The following ANXA6 variants were observed in gnomAD, a reference collection of about 807,000 sequenced individuals.
The protein encoded by ANXA6 is 67 kDa calelectrin.
ANXA6 carries 71 observed loss-of-function variants against 95.4 expected under a neutral mutation model. That is an observed-to-expected ratio of 0.74 (90% CI 0.61 to 0.91). ANXA6 has a LOEUF of 0.91. Among genes scored for constraint, ANXA6 ranks in the 40% least tolerant of loss-of-function variants. The pLI, the probability that ANXA6 is intolerant of heterozygous loss-of-function variation, is 0.00. For missense variants in ANXA6, 830 were observed against 876.4 expected (o/e 0.95, Z 0.67); for synonymous variants, 289 against 315.9 (o/e 0.91, Z 0.90).
At chr5:151,105,680 T>C (rs868641) in intron 23 of ANXA6, among the ~76,000 whole-genome samples, 114,483 of 152,104 alleles carry the variant, frequency 0.75, 43,309 homozygotes, top group African/African-American at 0.81. Context: ...ACCCTAAAGA[T>C]TCAGATTTTG....
In ANXA6 at chr5:151,133,130, T is replaced by C; in HGVS notation, c.604A>G (p.Ile202Val). 3 of 1,600,014 alleles carry C rather than the reference T, an allele frequency of 1.9e-6. No homozygotes were observed. Among genetic ancestry groups the C allele is most frequent in the South Asian group, 1.1e-5 (1 of 88,040 alleles). The change falls in exon 9 of 26, where the codon ATC becomes GTC. Residue 202 changes from isoleucine (I) to valine (V), a missense_variant. Transcript: ENST00000354546. The stretch of plus-strand genomic sequence containing the variant: ...TGCTGCTTGCTGCGATTTCCCAAGA[T>C]GTAAATGAACTGGGCTTCATCTGTT... ...WGTDEAQFIY[I>V]LGNRSKQHLR...
At chr5:151,130,561 G>A (rs1003589932) in intron 11 of ANXA6, among the ~76,000 whole-genome samples, 2 of 152,246 alleles carry the variant, frequency 1.3e-5, no homozygotes, top group Non-Finnish European at 2.9e-5. Flanking sequence ...ACTCAGCCTT[G>A]TGATGGGCAT....
chr5:151,137,857 A>G (rs1480320990), intron 5 of ANXA6, among the ~76,000 whole-genome samples: 1 of 152,050 alleles, frequency 6.6e-6, no homozygotes, highest in Non-Finnish European at 1.5e-5. Flanking sequence ...AAATTACCCA[A>G]TCTCAGGTGT....
chr5:151,115,846 T>A (rs1764984243), intron 20 of ANXA6, among the ~76,000 whole-genome samples: 1 of 152,214 alleles, frequency 6.6e-6, no homozygotes, highest in South Asian at 2.1e-4. Flanking sequence ...AACAGCTATT[T>A]GATGTGGAAG....
rs764388197 is a variant in ANXA6 at position 151,131,278 on chromosome 5, G to T, written c.748C>A (p.Arg250=). The T allele has an allele frequency of 6.2e-7, 1 of 1,613,806 alleles. No homozygotes were observed. The highest frequency in any genetic ancestry group is 8.5e-7 in the Non-Finnish European group (1 of 1,179,872). ...KLMLAVVKCI[R]STPEYFAERL... is the part of the protein sequence containing the mutation. ...TCAGCAAAATATTCCGGGGTGCTCC[G>T]GATACACTTCACTGTGAAGAGGGAG... Residue 250 remains arginine (R), a synonymous_variant, in exon 11 of 26, where the codon CGG becomes AGG. Coordinates refer to ENST00000354546, the MANE Select transcript of ANXA6 (RefSeq NM_001155.5).
Position 151,117,677 on chromosome 5 carries a change from G to A in ANXA6, c.1518+81C>T. On this transcript the variant is annotated intron_variant, in intron 19 of 25. Transcript: ENST00000354546. ...TCAGGAGTGCACTTCTAACTCCCCT[G>A]TGCCCTCCACTCAGTAAACCTTCCC... The A allele has an allele frequency of 2.4e-6, 3 of 1,248,944 alleles. No homozygotes were observed. In the Admixed American group the frequency reaches 5.8e-5, roughly 24 times the overall value. The allele number at this position is 1,248,944 out of a possible 1,614,324, so 77.4% of individuals were successfully genotyped here.
chr5:151,103,445 C>G (rs1049103186), intron 25 of ANXA6, 125 bp downstream of exon 25: 4 of 854,302 alleles, frequency 4.7e-6, no homozygotes, highest in South Asian at 2.3e-5. Context: ...CCTTTCATTT[C>G]AATATCCTGG....
chr5:151,151,048 T>C (rs1278839832), intron 1 of ANXA6: 2 of 152,208 alleles, frequency 1.3e-5, no homozygotes, highest in Non-Finnish European at 2.9e-5. Flanking sequence ...TCTTACTGTT[T>C]GGGAAAATAT....
chr5:151,105,408 T>C lies in ANXA6; in HGVS notation c.1781-105A>G, dbSNP rs1446047780. ...CCCACCTCGTCTATCCCTGCATGGG[T>C]CTGCAGATCATTGTCAACCCCAGGG... On this transcript the variant is annotated intron_variant, in intron 23 of 25. Coordinates refer to ENST00000354546, the MANE Select transcript of ANXA6 (RefSeq NM_001155.5). 5 of 965,394 alleles carry C rather than the reference T, an allele frequency of 5.2e-6. No homozygotes were observed. The African/African-American group carries it at 8.0e-5, about 15-fold the overall frequency. The allele number at this position is 965,394 out of a possible 1,614,324, so 59.8% of individuals were successfully genotyped here. A position where few individuals can be genotyped will look rare whatever the true frequency, so the allele number is the denominator to read the frequency against.
intron 10 of ANXA6, 49 bp from the exon 11 acceptor site, chr5:151,131,338 G>C (rs773992722): frequency 6.3e-7 from 1 of 1,583,496 alleles, no homozygotes; most frequent in Admixed American, 1.7e-5. Context: ...CCTCAGAAGG[G>C]GGATGGGATG....
At chr5:151,154,283 T>C (rs976513000) in intron 1 of ANXA6, among the ~76,000 whole-genome samples, 3 of 146,296 alleles carry the variant, frequency 2.1e-5, no homozygotes, top group Non-Finnish European at 4.5e-5. Flanking sequence ...TGATGTCATA[T>C]GGCAGTTTGC....
At chr5:151,116,500 C>T (rs1030041325) in intron 20 of ANXA6, among the ~76,000 whole-genome samples, 2 of 152,238 alleles carry the variant, frequency 1.3e-5, no homozygotes, top group African/African-American at 4.8e-5. Flanking sequence ...CATTTCCAGA[C>T]CTCAAGCTCA....
rs1248516622 is a variant in ANXA6 at position 151,110,528 on chromosome 5, A to G, written c.1590+99T>C. Reference sequence around the variant, plus strand: ...AGGGGAGAGAGAGAAGCCGCACAGCAAGCTCCCAAATCACTGCTCGATACT... The same window carrying G: ...AGGGGAGAGAGAGAAGCCGCACAGCGAGCTCCCAAATCACTGCTCGATACT... On this transcript the variant is annotated intron_variant, in intron 21 of 25. Transcript: ENST00000354546. 7 of 1,357,800 alleles carry G rather than the reference A, an allele frequency of 5.2e-6. No individual in the cohort carries two copies. In the African/African-American group the frequency reaches 1.0e-4, roughly 20 times the overall value. 84.1% of individuals were successfully genotyped at this position (1,357,800 alleles called of 1,614,324 possible).
chr5:151,132,302 G>A (rs529594733), intron 10 of ANXA6, among the ~76,000 whole-genome samples, 174 bp downstream of exon 10: 17 of 152,258 alleles, frequency 1.1e-4, no homozygotes, highest in Admixed American at 2.6e-4. Context: ...CCCCCTTCCC[G>A]TCCCCAGCCT....
At chr5:151,148,651 T>G (rs1429664743) in intron 1 of ANXA6, among the ~76,000 whole-genome samples, 1 of 152,194 alleles carries the variant, frequency 6.6e-6, no homozygotes, top group Non-Finnish European at 1.5e-5. Context: ...ACAAATGCAC[T>G]CATCAGGCTG....
At chr5:151,124,419 C>A in intron 14 of ANXA6, 52 bp from the exon 15 acceptor site, 1 of 1,546,378 alleles carries the variant, frequency 6.5e-7, no homozygotes, top group South Asian at 1.2e-5. Context: ...CCCCTGGGGA[C>A]CAGGCTGAAA....
At chr5:151,104,652 C>T (rs147396742) in intron 24 of ANXA6, among the ~76,000 whole-genome samples, 1 of 152,258 alleles carries the variant, frequency 6.6e-6, no homozygotes, top group East Asian at 1.9e-4. Flanking sequence ...AGGTTCCTTC[C>T]TACCCTCCCA....
chr5:151,146,975 A>G (rs947142429), intron 2 of ANXA6, among the ~76,000 whole-genome samples: 7 of 152,042 alleles, frequency 4.6e-5, no homozygotes, highest in Non-Finnish European at 5.9e-5. Context: ...GTTCTGCCAT[A>G]TTGTCCAGGC....
chr5:151,154,295 GTA>G (rs58268342), intron 1 of ANXA6, among the ~76,000 whole-genome samples: 12,480 of 136,636 alleles, frequency 0.091, 552 homozygotes, highest in Middle Eastern at 0.16. Flanking sequence ...GCAGTTTGCA[GTA>G]TATATATATA....
Sources: gnomAD v4.1 joint callset for allele counts (sites outside exome capture counted in the v4.1 genomes callset) on GRCh38, gnomAD v4.1.1 for gene constraint, MANE v1.5 for transcripts, NCBI Gene and HGNC (gene_info 2026-07-23, HGNC 2026-07-21) for gene names.